The following LRRC4C variants were observed in gnomAD, a reference collection of about 807,000 sequenced individuals.
The protein encoded by LRRC4C is leucine rich repeat containing 4C.
Under a neutral mutation model 33.6 loss-of-function variants are expected in LRRC4C, and 5 were observed. The ratio of observed to expected loss-of-function variants is 0.15; its 90% CI spans 0.08 to 0.31. LRRC4C has a LOEUF of 0.31. LRRC4C is among the 10% of genes least tolerant of loss of function. The pLI is 1.00. For missense variants in LRRC4C, 560 were observed against 796.7 expected, an observed-to-expected ratio of 0.70 and a Z score of 3.58; for synonymous variants, 329 against 302.0, an observed-to-expected ratio of 1.09 and a Z score of -0.93.
At chr11:40,800,975 C>A (rs1022968974) in intron 2 of LRRC4C, among the ~76,000 whole-genome samples, 3 of 152,070 alleles carry the variant, frequency 2.0e-5, no homozygotes, top group Non-Finnish European at 2.9e-5. Flanking sequence ...CACTACCTTG[C>A]CTTCCCCATT....
intron 6 of LRRC4C, among the ~76,000 whole-genome samples, chr11:40,126,731 T>C (rs941519346): frequency 6.0e-5 from 9 of 151,020 alleles, no homozygotes; most frequent in South Asian, 2.1e-4. Flanking sequence ...GAGGTCAGGG[T>C]GGGCAAATCA....
At chr11:40,363,084 C>A (rs1042980066) in intron 3 of LRRC4C, among the ~76,000 whole-genome samples, 2 of 152,080 alleles carry the variant, frequency 1.3e-5, no homozygotes, top group Admixed American at 1.3e-4. Flanking sequence ...ATAAATTGTT[C>A]TCTTATAAGG....
At chr11:40,245,762 A>G (rs1866280834) in intron 4 of LRRC4C, among the ~76,000 whole-genome samples, 1 of 152,110 alleles carries the variant, frequency 6.6e-6, no homozygotes, top group Non-Finnish European at 1.5e-5. Context: ...TATCTCTTTC[A>G]TAGGATTGCT....
chr11:40,705,153 CAAATT>C (rs1375352827), intron 2 of LRRC4C, among the ~76,000 whole-genome samples: 1 of 152,080 alleles, frequency 6.6e-6, no homozygotes, highest in African/African-American at 2.4e-5. Flanking sequence ...CTCAAGGTCT[CAAATT>C]AACTATTCAG....
intron 3 of LRRC4C, among the ~76,000 whole-genome samples, chr11:40,423,339 C>CTTTTTTTTTT (rs35819704): frequency 2.2e-5 from 2 of 90,932 alleles, no homozygotes; most frequent in Non-Finnish European, 4.1e-5. Context: ...TGTTCATGTT[C>CTTTTTTTTTT]TTTTTTTTTT....
At chr11:40,903,606 G>A (rs1217969915) in intron 2 of LRRC4C, among the ~76,000 whole-genome samples, 7 of 152,118 alleles carry the variant, frequency 4.6e-5, no homozygotes. Context: ...TGATTCATAG[G>A]AAGAGGTCAA....
At chr11:41,105,313 C>T (rs563379167) in intron 1 of LRRC4C, among the ~76,000 whole-genome samples, 22 of 151,968 alleles carry the variant, frequency 1.4e-4, no homozygotes, top group Admixed American at 5.9e-4. Context: ...TAAGCATCAT[C>T]CCATCCAAAA....
chr11:40,854,690 T>A (rs1163360638), intron 2 of LRRC4C, among the ~76,000 whole-genome samples: 1 of 151,466 alleles, frequency 6.6e-6, no homozygotes, highest in Non-Finnish European at 1.5e-5. Flanking sequence ...GTTTGTGTAA[T>A]TAAACACAAA....
At chr11:41,186,968 T>A (rs1253142067) in intron 1 of LRRC4C, among the ~76,000 whole-genome samples, 1 of 152,208 alleles carries the variant, frequency 6.6e-6, no homozygotes, top group African/African-American at 2.4e-5. Context: ...GGAAGAACCC[T>A]GATTTTTTAA....
intron 6 of LRRC4C, among the ~76,000 whole-genome samples, chr11:40,119,215 T>C (rs973421820): frequency 6.6e-6 from 1 of 152,202 alleles, no homozygotes; most frequent in African/African-American, 2.4e-5. Flanking sequence ...TCCTTAAACA[T>C]ATACCCACGT....
chr11:40,438,992 A>T (rs1057360160), intron 3 of LRRC4C, among the ~76,000 whole-genome samples: 2 of 140,166 alleles, frequency 1.4e-5, no homozygotes, highest in African/African-American at 2.7e-5. Flanking sequence ...GTGCAGTGGC[A>T]TGATCTCGGT....
At chr11:40,876,901 CAAAAAAAA>C (rs71060985) in intron 2 of LRRC4C, among the ~76,000 whole-genome samples, 2 of 98,838 alleles carry the variant, frequency 2.0e-5, no homozygotes. Flanking sequence ...GGCTCTTTCT[CAAAAAAAA>C]AAAAAAAAAA....
chr11:41,214,110 G>C (rs758085775), intron 1 of LRRC4C, among the ~76,000 whole-genome samples: 1 of 152,112 alleles, frequency 6.6e-6, no homozygotes, highest in Non-Finnish European at 1.5e-5. Flanking sequence ...GCCATATTTA[G>C]CTAGGAGAAG....
chr11:40,693,541 C>T (rs762081605), intron 2 of LRRC4C, among the ~76,000 whole-genome samples: 2 of 152,106 alleles, frequency 1.3e-5, no homozygotes, highest in South Asian at 4.1e-4. Context: ...TTTCTTTTCT[C>T]GTCTACCTTT....
intron 5 of LRRC4C, among the ~76,000 whole-genome samples, chr11:40,181,556 A>G (rs933831673): frequency 2.0e-5 from 3 of 152,236 alleles, no homozygotes; most frequent in Non-Finnish European, 4.4e-5. Context: ...GACTTTTCAT[A>G]TAGATGGCAA....
At chr11:40,577,183 A>G (rs548192946) in intron 3 of LRRC4C, among the ~76,000 whole-genome samples, 1 of 152,332 alleles carries the variant, frequency 6.6e-6, no homozygotes, top group South Asian at 2.1e-4. Flanking sequence ...GACGTTTAGA[A>G]AAAGAGCAAC....
intron 2 of LRRC4C, among the ~76,000 whole-genome samples, chr11:40,859,357 T>C (rs1953961487): frequency 6.6e-6 from 1 of 151,998 alleles, no homozygotes; most frequent in Non-Finnish European, 1.5e-5. Context: ...GAAATGAGAT[T>C]CATGCTTGAG....
rs189614555 is a variant in LRRC4C, at chr11:40,538,336, A to G, written c.-270+109806T>C. ...TGTGATGTTCCCCTTCTTCTGTCCA[A>G]GTGTTCTTATTGTTCAATTCCCACC... On this transcript the variant is annotated intron_variant, in intron 3 of 6. Transcript: ENST00000528697. Among the ~76,000 whole-genome samples the G allele has an allele frequency of 3.0e-3, 451 of 151,670 alleles. 3 individuals carry two copies. Among genetic ancestry groups the G allele is most frequent in the Middle Eastern group, 6.8e-3 (2 of 292 alleles).
chr11:40,974,579 AATATT>A (rs1386329978), intron 1 of LRRC4C, among the ~76,000 whole-genome samples: 2 of 152,308 alleles, frequency 1.3e-5, no homozygotes, highest in Admixed American at 1.3e-4. Context: ...CAAGCTTGTC[AATATT>A]ATAAGTGTGA....
Sources: gnomAD v4.1 joint callset for allele counts (sites outside exome capture counted in the v4.1 genomes callset) on GRCh38, gnomAD v4.1.1 for gene constraint, MANE v1.5 for transcripts, NCBI Gene and HGNC (gene_info 2026-07-23, HGNC 2026-07-21) for gene names.